ETFB: variants seen among roughly 807,000 people sequenced by gnomAD.
The protein encoded by ETFB is electron transfer flavoprotein subunit beta.
Under a neutral mutation model 25.6 loss-of-function variants are expected in ETFB, and 20 were observed. The observed-to-expected ratio is 0.78, with a 90% CI of 0.55 to 1.14. The LOEUF (loss-of-function observed/expected upper bound fraction) is 1.14. Among genes scored for constraint, ETFB ranks in the 50% most tolerant of loss-of-function variants. The probability of loss-of-function intolerance (pLI) is 0.00; values close to 1 mark genes in which losing one functional copy is unlikely to be tolerated. For missense variants in ETFB, 286 were observed against 342.6 expected (o/e 0.83, Z 1.30); for synonymous variants, 142 against 146.7 (o/e 0.97, Z 0.23).
intron 1 of ETFB, among the ~76,000 whole-genome samples, chr19:51,364,865 A>T (rs374835305): frequency 3.3e-5 from 5 of 152,158 alleles, no homozygotes; most frequent in East Asian, 3.9e-4. Flanking sequence ...GACAGGCCTC[A>T]GTTTCCTCAT....
rs1371140166 is a variant in ETFB, at chr19:51,350,400, G to A, written c.376-9C>T. On this transcript the variant is annotated splice_polypyrimidine_tract_variant and intron_variant, in intron 3 of 5. Transcript: ENST00000309244. Reference sequence around the variant, plus strand: ...CAGTCATCATCGATGGCCTGAATGGGGAGAGACAGAAGACTGTATGACAAT... The same window carrying A: ...CAGTCATCATCGATGGCCTGAATGGAGAGAGACAGAAGACTGTATGACAAT... 7.3e-7 allele frequency: 1 copy of A among 1,370,910 alleles called. No individual in the cohort carries two copies. The highest frequency in any genetic ancestry group is 1.0e-6 in the Non-Finnish European group (1 of 963,052). The allele number at this position is 1,370,910 out of a possible 1,614,324, so 84.9% of individuals were successfully genotyped here. A position where few individuals can be genotyped will look rare whatever the true frequency, so the allele number is the denominator to read the frequency against.
chr19:51,363,848 C>T (rs111946465), intron 1 of ETFB, among the ~76,000 whole-genome samples: 2,242 of 152,174 alleles, frequency 0.015, 52 homozygotes, highest in African/African-American at 0.051. Flanking sequence ...AGGCATGGAA[C>T]GGGCAAGCCG....
At chr19:51,354,736 G>T in intron 1 of ETFB, 1 of 1,440,802 alleles carries the variant, frequency 6.9e-7, no homozygotes. Flanking sequence ...AGACAGTTAA[G>T]GGTGGTCCTC....
intron 4 of ETFB, chr19:51,348,066 G>A (rs1985840426): frequency 6.6e-6 from 1 of 152,236 alleles, no homozygotes; most frequent in Admixed American, 6.5e-5. Flanking sequence ...GGCTGCGTGT[G>A]GCTGTCCAGC....
intron 1 of ETFB, among the ~76,000 whole-genome samples, chr19:51,363,974 C>T (rs1174952926): frequency 6.6e-6 from 1 of 152,142 alleles, no homozygotes; most frequent in Non-Finnish European, 1.5e-5. Context: ...GGAGGCTGGA[C>T]CACAAAGCAT....
At chr19:51,352,992 G>T in intron 3 of ETFB, 140 bp downstream of exon 3, 1 of 1,016,100 alleles carries the variant, frequency 9.8e-7, no homozygotes, top group Non-Finnish European at 1.5e-6. Flanking sequence ...TGTCAGAAGG[G>T]TCAGCAAAGT....
chr19:51,354,664 A>G lies in ETFB; in HGVS notation c.58-356T>C, dbSNP rs549073969. The G allele has an allele frequency of 1.0e-5, 16 of 1,607,982 alleles. No individual in the cohort carries two copies. The South Asian group carries it at 1.5e-4, about 15-fold the overall frequency. On this transcript the variant is annotated intron_variant, in intron 1 of 5. Transcript: ENST00000309244. ...TTTACTGTATCTCCAAGTGTATATA[A>G]ATACATAATACACTGATACATAAAT...
intron 5 of ETFB, chr19:51,346,370 C>G (rs1004712275): frequency 6.0e-6 from 1 of 167,570 alleles, no homozygotes; most frequent in Non-Finnish European, 1.3e-5. Context: ...TGAACCCTCC[C>G]TGTTGGCTGA....
intron 4 of ETFB, 46 bp downstream of exon 4, chr19:51,350,283 G>A (rs1410018732): frequency 1.3e-6 from 2 of 1,585,700 alleles, no homozygotes; most frequent in South Asian, 1.1e-5. Flanking sequence ...GAAGTTTGAG[G>A]GATGAGGGCC....
In ETFB at chr19:51,353,431, C is replaced by G. The variant is rs1325158169; in HGVS notation, c.217-141G>C. 873 of 653,516 alleles carry G rather than the reference C, an allele frequency of 1.3e-3. 20 individuals carry two copies. In the African/African-American group the frequency reaches 0.015, roughly 11 times the overall value. The allele number at this position is 653,516 out of a possible 1,614,324, so 40.5% of individuals were successfully genotyped here. A position where few individuals can be genotyped will look rare whatever the true frequency, so the allele number is the denominator to read the frequency against. ...CAGACCCAGGAGTCCAGGCCCCCAT[C>G]CCCTCCTTCCTCAGACCCAGGAGTC... On this transcript the variant is annotated intron_variant, in intron 2 of 5. Transcript: ENST00000309244.
Position 51,353,204 on chromosome 19 carries a change from G to C in ETFB, c.303C>G (p.Pro101=). The change falls in exon 3 of 6, where the codon CCC becomes CCG. Residue 101 remains proline (P), a synonymous_variant. Transcript: ENST00000309244. The part of the protein sequence containing the change: ...VPPAEAERLG[P]LQVARVLAKL... Reference sequence around the variant, plus strand: ...TGGCCAGGACCCGAGCCACCTGCAGGGGACCCAAGCGTTCTGCTTCTGCTG... The same window carrying C: ...TGGCCAGGACCCGAGCCACCTGCAGCGGACCCAAGCGTTCTGCTTCTGCTG... The C allele has an allele frequency of 6.2e-7, 1 of 1,614,124 alleles. No individual in the cohort carries two copies. The highest frequency in any genetic ancestry group is 8.5e-7 in the Non-Finnish European group (1 of 1,180,006).
chr19:51,353,222 T>G lies in ETFB; in HGVS notation c.285A>C (p.Glu95Asp), dbSNP rs777130490. 10 of 1,614,002 alleles carry G rather than the reference T, an allele frequency of 6.2e-6. No individual in the cohort carries two copies. The highest frequency in any genetic ancestry group is 8.5e-6 in the Non-Finnish European group (10 of 1,180,014). Reference sequence around the variant, plus strand: ...CCTGCAGGGGACCCAAGCGTTCTGCTTCTGCTGGGGGCACCTCCACGTGGA... The same window carrying G: ...CCTGCAGGGGACCCAAGCGTTCTGCGTCTGCTGGGGGCACCTCCACGTGGA... Reference protein sequence around the residue: ...RGIHVEVPPAEAERLGPLQVA... With the variant: ...RGIHVEVPPADAERLGPLQVA... Residue 95 changes from glutamate to aspartate, a missense_variant, in exon 3 of 6, where the codon GAA (glutamate) becomes GAC (aspartate). Glu to Asp is a conservative substitution (Grantham distance 45). Coordinates refer to ENST00000309244, the MANE Select transcript of ETFB (RefSeq NM_001985.3).
At chr19:51,348,827 T>C (rs1051430828) in intron 4 of ETFB, among the ~76,000 whole-genome samples, 1 of 152,240 alleles carries the variant, frequency 6.6e-6, no homozygotes, top group Non-Finnish European at 1.5e-5. Context: ...CTGTCATCTT[T>C]AGGAATGTGT....
At chr19:51,351,141 TG>T (rs1489333400) in intron 3 of ETFB, among the ~76,000 whole-genome samples, 1 of 152,204 alleles carries the variant, frequency 6.6e-6, no homozygotes, top group Non-Finnish European at 1.5e-5. Flanking sequence ...GAACAGGGTC[TG>T]GGCCAGCAAG....
intron 1 of ETFB, among the ~76,000 whole-genome samples, chr19:51,365,773 G>C (rs531199740): frequency 6.6e-6 from 1 of 152,318 alleles, no homozygotes; most frequent in South Asian, 2.1e-4. Context: ...TCACCCTGTG[G>C]CTATGGAGGG....
At chr19:51,348,576 G>A (rs891727954) in intron 4 of ETFB, 1 of 152,070 alleles carries the variant, frequency 6.6e-6, no homozygotes, top group African/African-American at 2.4e-5. Flanking sequence ...GCAACATAGT[G>A]AGACCCCCAT....
At chr19:51,359,946 A>T (rs1986179266) in intron 1 of ETFB, among the ~76,000 whole-genome samples, 1 of 151,980 alleles carries the variant, frequency 6.6e-6, no homozygotes, top group African/African-American at 2.4e-5. Context: ...TGAACCCAGG[A>T]GGGTCGAGGC....
intron 1 of ETFB, chr19:51,356,439 T>C (rs1418675528): frequency 6.6e-6 from 1 of 152,214 alleles, no homozygotes; most frequent in African/African-American, 2.4e-5. Flanking sequence ...TCTGCCTGGA[T>C]GTCATGATCA....
intron 1 of ETFB, 30 bp from the exon 2 acceptor site, chr19:51,354,338 C>T: frequency 6.2e-7 from 1 of 1,614,068 alleles, no homozygotes; most frequent in Non-Finnish European, 8.5e-7. Context: ...GGGGTGGGGT[C>T]AGGAGGAAAC....
Sources: allele counts gnomAD v4.1 joint callset (sites outside exome capture counted in the v4.1 genomes callset), GRCh38; gene constraint gnomAD v4.1.1; transcripts MANE v1.5; gene names NCBI Gene and HGNC (gene_info 2026-07-23, HGNC 2026-07-21).